The following BTG4 variants were observed in gnomAD, a reference collection of about 807,000 sequenced individuals.
BTG4 encodes protein BTG4.
A neutral mutation model predicts 19.3 loss-of-function variants in BTG4; 10 were observed. The observed-to-expected ratio is 0.52, with a 90% confidence interval of 0.32 to 0.88. The LOEUF (loss-of-function observed/expected upper bound fraction) is 0.88, where lower values mean the gene tolerates loss of function less well. Among genes scored for constraint, BTG4 ranks in the 40% least tolerant of loss-of-function variants. The pLI is 0.04. For missense variants in BTG4, 238 were observed against 281.9 expected (o/e 0.84, Z 1.11); for synonymous variants, 91 against 95.7 (o/e 0.95, Z 0.29).
chr11:111,437,658 G>C, the BTG4 span, among the ~76,000 whole-genome samples: 1 of 152,132 alleles, frequency 6.6e-6, no homozygotes, highest in Non-Finnish European at 1.5e-5. Context: ...ACAACAGCGA[G>C]TGCCTAGACC....
chr11:111,488,963 C>G (rs1051789653), intron 5 of BTG4, among the ~76,000 whole-genome samples: 1 of 151,840 alleles, frequency 6.6e-6, no homozygotes, highest in Non-Finnish European at 1.5e-5. Context: ...TTGACCAACA[C>G]GGAAAAACCC....
At chr11:111,508,859 A>T (rs984353645) in intron 1 of BTG4, among the ~76,000 whole-genome samples, 2 of 151,034 alleles carry the variant, frequency 1.3e-5, no homozygotes, top group African/African-American at 4.8e-5. Flanking sequence ...TTAACATATT[A>T]ATTATCTATA....
At chr11:111,422,039 A>C in the BTG4 span, among the ~76,000 whole-genome samples, 1 of 152,222 alleles carries the variant, frequency 6.6e-6, no homozygotes, top group Non-Finnish European at 1.5e-5. Flanking sequence ...CCTATCTCTG[A>C]AACTCAGGAA....
upstream of BTG4, chr11:111,513,358 T>C (rs1237822165): frequency 3.2e-5 from 17 of 529,874 alleles, no homozygotes; most frequent in South Asian, 2.0e-4. Flanking sequence ...AGCAACTCAG[T>C]TGAGCTCCAA....
chr11:111,508,764 A>G (rs1175238718), intron 1 of BTG4, among the ~76,000 whole-genome samples: 1 of 149,484 alleles, frequency 6.7e-6, no homozygotes, highest in Non-Finnish European at 1.5e-5. Context: ...TATATAATAT[A>G]AATAGAATAT....
the BTG4 span, among the ~76,000 whole-genome samples, chr11:111,461,349 G>C: frequency 6.6e-6 from 1 of 152,178 alleles, no homozygotes; most frequent in African/African-American, 2.4e-5. Flanking sequence ...TGTCTCCTCT[G>C]GACTTCCCAA....
At chr11:111,397,210 C>T in the BTG4 span, among the ~76,000 whole-genome samples, 54 of 152,310 alleles carry the variant, frequency 3.5e-4, no homozygotes, top group African/African-American at 1.3e-3. Context: ...CAAATGCAGC[C>T]AAGAGATTTA....
At chr11:111,494,260 T>C (rs1188465088), downstream of BTG4, among the ~76,000 whole-genome samples, 1 of 152,116 alleles carries the variant, frequency 6.6e-6, no homozygotes, top group Non-Finnish European at 1.5e-5. Context: ...CTAAATGGCT[T>C]AAGTGGAGAT....
At chr11:111,483,185 A>C (rs534604456) in intron 5 of BTG4, among the ~76,000 whole-genome samples, 15 of 152,294 alleles carry the variant, frequency 9.8e-5, no homozygotes, top group African/African-American at 3.4e-4. Context: ...CAGTGCTGAT[A>C]CACCTGCAGT....
intron 5 of BTG4, among the ~76,000 whole-genome samples, chr11:111,484,656 A>C (rs478364): frequency 0.95 from 143,774 of 151,940 alleles, 68,510 homozygotes; most frequent in South Asian, 1. Flanking sequence ...TACACACACA[A>C]AAAAAAAGGA....
the BTG4 span, among the ~76,000 whole-genome samples, chr11:111,390,224 CCATT>C: frequency 6.6e-6 from 1 of 152,326 alleles, no homozygotes; most frequent in East Asian, 1.9e-4. Flanking sequence ...ATCCATCCAT[CCATT>C]CATTCATTCA....
At chr11:111,429,578 A>T in the BTG4 span, among the ~76,000 whole-genome samples, 1 of 152,196 alleles carries the variant, frequency 6.6e-6, no homozygotes, top group Non-Finnish European at 1.5e-5. Context: ...TGTTGAGCAG[A>T]TCTAAAACTA....
chr11:111,503,279 G>A (rs1866216133), intron 1 of BTG4, among the ~76,000 whole-genome samples: 1 of 152,190 alleles, frequency 6.6e-6, no homozygotes, highest in Non-Finnish European at 1.5e-5. Flanking sequence ...AACAAATGGT[G>A]ATTCATTCAG....
At chr11:111,473,233 C>T (rs1242739611) in intron 5 of BTG4, 3 of 152,606 alleles carry the variant, frequency 2.0e-5, no homozygotes, top group Non-Finnish European at 4.4e-5. Flanking sequence ...TTCTGGCTAA[C>T]AAGATCCAAG....
chr11:111,419,686 C>T, the BTG4 span, among the ~76,000 whole-genome samples: 1 of 152,254 alleles, frequency 6.6e-6, no homozygotes, highest in Admixed American at 6.5e-5. Context: ...CAAGTACCAG[C>T]AGCGGGTCTC....
chr11:111,434,361 T>C, the BTG4 span, among the ~76,000 whole-genome samples: 1 of 151,964 alleles, frequency 6.6e-6, no homozygotes, highest in African/African-American at 2.4e-5. Context: ...TAAGAACACA[T>C]GGACACAGGG....
chr11:111,511,712 C>A (rs1866932986), intron 1 of BTG4, among the ~76,000 whole-genome samples: 1 of 152,154 alleles, frequency 6.6e-6, no homozygotes, highest in Non-Finnish European at 1.5e-5. Context: ...GTAACTGTCC[C>A]TTTTGCCCAA....
At chr11:111,430,821 T>C in the BTG4 span, among the ~76,000 whole-genome samples, 1 of 152,218 alleles carries the variant, frequency 6.6e-6, no homozygotes, top group African/African-American at 2.4e-5. Context: ...ATCTTGGTTG[T>C]TTTGATGCCA....
chr11:111,403,069 C>G, the BTG4 span, among the ~76,000 whole-genome samples: 2 of 152,176 alleles, frequency 1.3e-5, no homozygotes, highest in South Asian at 4.2e-4. Flanking sequence ...CATAGAAAGA[C>G]TTCTCTTATG....
Sources: allele counts gnomAD v4.1 joint callset (sites outside exome capture counted in the v4.1 genomes callset), GRCh38; gene constraint gnomAD v4.1.1; transcripts MANE v1.5; gene names NCBI Gene and HGNC (gene_info 2026-07-23, HGNC 2026-07-21).